Variants in CARD14 observed in about 807,000 individuals in gnomAD.
CARD14 encodes caspase recruitment domain family member 14.
Under a neutral mutation model 111.5 loss-of-function variants are expected in CARD14, and 107 were observed. The ratio of observed to expected loss-of-function variants is 0.96; its 90% CI spans 0.82 to 1.13. The LOEUF is 1.13. CARD14 is among the 50% of genes most tolerant of loss of function. CARD14 has a pLI of 0.00. For missense variants in CARD14, 1,322 were observed against 1,362.3 expected, an observed-to-expected ratio of 0.97 and a Z score of 0.47; for synonymous variants, 617 against 579.6, an observed-to-expected ratio of 1.06 and a Z score of -0.93.
intron 2 of CARD14, 107 bp downstream of exon 2, chr17:80,173,335 C>CAT (rs2039953087): frequency 6.6e-6 from 1 of 152,524 alleles, no homozygotes; most frequent in African/African-American, 2.4e-5. Context: ...CGCGCGCGCG[C>CAT]GCGCGCGGAA....
In CARD14 at chr17:80,202,189, G is replaced by A. The variant is rs904263432; in HGVS notation, c.1988G>A (p.Arg663Lys). The change falls in exon 18 of 24, where the codon AGG becomes AAG. Residue 663 changes from arginine to lysine, a missense_variant. Coordinates refer to ENST00000648509, the MANE Select transcript of CARD14 (RefSeq NM_001366385.1). The part of the protein sequence containing the change: ...SVKVNTDGYK[R>K]LLQDLEAKVA... ...TGTCCCCTTTTATCAGGTTATAAGA[G>A]GCTACTCCAGGACCTGGAGGCCAAA... is the stretch of plus-strand genomic sequence containing the variant. 6.2e-6 allele frequency: 10 copies of A among 1,613,636 alleles called. No individual in the cohort carries two copies. In the South Asian group the frequency reaches 8.8e-5, roughly 14 times the overall value.
intron 6 of CARD14, 29 bp from the exon 7 acceptor site, chr17:80,183,884 C>T: frequency 6.9e-7 from 1 of 1,455,832 alleles, no homozygotes; most frequent in Admixed American, 2.8e-5. Flanking sequence ...CCTACCTGCT[C>T]ACTTGCTCAC....
At chr17:80,187,068 T>C (rs1031016651) in intron 7 of CARD14, among the ~76,000 whole-genome samples, 1 of 152,250 alleles carries the variant, frequency 6.6e-6, no homozygotes, top group Non-Finnish European at 1.5e-5. Flanking sequence ...TCAGAAATCA[T>C]GGGTTCTCAC....
chr17:80,205,076 G>A lies in CARD14; in HGVS notation c.2440G>A (p.Val814Met). ...CFWAESCLTLVPYTLVRPHRP... is the reference protein window; with the variant it reads ...CFWAESCLTLMPYTLVRPHRP... ...CTGGGCCGAGAGCTGCCTCACCCTG[G>A]TGCCCTATACCCTGGTGCGGCCCCA... The change falls in exon 21 of 24, where the codon GTG becomes ATG. Residue 814 changes from valine to methionine, a missense_variant. Val to Met is a conservative substitution (Grantham distance 21). Transcript: ENST00000648509. 1.2e-6 allele frequency: 2 copies of A among 1,611,602 alleles called. No homozygotes were observed. Among genetic ancestry groups the A allele is most frequent in the Non-Finnish European group, 1.7e-6 (2 of 1,178,894 alleles).
Position 80,184,133 on chromosome 17 carries a change from G to A in CARD14, c.570G>A (p.Glu190=), listed in dbSNP as rs955758766. The A allele has an allele frequency of 2.4e-5, 37 of 1,570,240 alleles. No individual in the cohort carries two copies. In the East Asian group the frequency reaches 6.6e-4, roughly 28 times the overall value. Residue 190 remains glutamate (E), a synonymous_variant, in exon 7 of 24, where the codon GAG becomes GAA. Transcript: ENST00000648509. ...MKREVSAHFH[E]VLRLKDEMLS... is the part of the protein sequence containing the mutation. The stretch of plus-strand genomic sequence containing the variant: ...GTGAGGTTAGCGCACACTTCCATGA[G>A]GTGCTGAGGCTGAAGGACGAGATGC...
chr17:80,199,746 G>T (rs1319113704), intron 16 of CARD14, among the ~76,000 whole-genome samples: 2 of 149,650 alleles, frequency 1.3e-5, no homozygotes, highest in African/African-American at 4.9e-5. Context: ...AAAAATAGCT[G>T]GTATCTATAA....
At chr17:80,204,956 C>T in intron 20 of CARD14, 79 bp from the exon 21 acceptor site, 2 of 1,286,792 alleles carry the variant, frequency 1.6e-6, no homozygotes, top group Non-Finnish European at 2.1e-6. Flanking sequence ...GCAAAGCAGA[C>T]CCAGTCCCTC....
chr17:80,182,859 G>A lies in CARD14; in HGVS notation c.349+69G>A. 15 of 1,589,108 alleles carry A rather than the reference G, an allele frequency of 9.4e-6. No homozygotes were observed. Among genetic ancestry groups the A allele is most frequent in the Non-Finnish European group, 1.3e-5 (15 of 1,162,452 alleles). ...CCTCAGGCTCCTGGTAACCCCAGGTGCCCCGCTTACTTGCCGATTTGCCCT... is the reference window on the plus strand; with the variant it reads ...CCTCAGGCTCCTGGTAACCCCAGGTACCCCGCTTACTTGCCGATTTGCCCT... On this transcript the variant is annotated intron_variant, in intron 6 of 23. Transcript: ENST00000648509. This position sits in a 1 kb window ranked among gnomAD's most constrained non-coding sequence, Gnocchi z 4.7.
At chr17:80,199,412 A>G (rs1348341679) in intron 16 of CARD14, among the ~76,000 whole-genome samples, 1 of 151,096 alleles carries the variant, frequency 6.6e-6, no homozygotes, top group East Asian at 1.9e-4. Context: ...AGAATTATTA[A>G]ACTTTAGGAA....
Position 80,208,588 on chromosome 17 carries a change from G to T in CARD14, c.*243G>T, listed in dbSNP as rs1321688691. The T allele has an allele frequency of 2.2e-6, 1 of 448,906 alleles. No individual in the cohort carries two copies. Among genetic ancestry groups the T allele is most frequent in the Non-Finnish European group, 3.9e-6 (1 of 255,098 alleles). The allele number at this position is 448,906 out of a possible 1,614,324, so 27.8% of individuals were successfully genotyped here. ...CCCTTTACCAGGCTTGGCATGGTCTGAACTGGAAACCCTGAGAATGTTTCT... is the reference window on the plus strand; with the variant it reads ...CCCTTTACCAGGCTTGGCATGGTCTTAACTGGAAACCCTGAGAATGTTTCT... On this transcript the variant is annotated 3_prime_UTR_variant, in exon 24 of 24. Transcript: ENST00000648509.
rs776565097 is a variant in CARD14 at position 80,181,491 on chromosome 17, C to A, written c.53C>A (p.Thr18Lys). ...DSALTALDEE[T>K]LWEMMESHRH... is the part of the protein sequence containing the mutation. ...GCACTCACGGCACTGGACGAGGAGA[C>A]ACTGTGGGAGATGATGGAGAGCCAC... is the stretch of plus-strand genomic sequence containing the variant. Residue 18 changes from threonine to lysine, a missense_variant, in exon 5 of 24, where the codon ACA (threonine) becomes AAA (lysine). Transcript: ENST00000648509. The A allele has an allele frequency of 6.3e-7, 1 of 1,589,754 alleles. No homozygotes were observed. Among genetic ancestry groups the A allele is most frequent in the South Asian group, 1.1e-5 (1 of 87,578 alleles).
In CARD14 at chr17:80,198,549, G is replaced by C. The variant is rs761836544; in HGVS notation, c.1809G>C (p.Ala603=). 1.2e-6 allele frequency: 2 copies of C among 1,613,010 alleles called. No individual in the cohort carries two copies. Among genetic ancestry groups the C allele is most frequent in the African/African-American group, 1.3e-5 (1 of 74,930 alleles). ...TCCACCGGGTCACCCCGGGCTCGGC[G>C]GCGGACCAGATGGCCTTGCGCCCGG... ...IFIHRVTPGS[A]ADQMALRPGT... Residue 603 remains alanine (A), a synonymous_variant, in exon 16 of 24, where the codon GCG becomes GCC. Transcript: ENST00000648509. The surrounding 1 kb of genome is among the most constrained non-coding windows in gnomAD (Gnocchi z 7.5).
chr17:80,204,250 G>A lies in CARD14; in HGVS notation c.2307G>A (p.Lys769=), dbSNP rs778848984. 5 of 1,594,928 alleles carry A rather than the reference G, an allele frequency of 3.1e-6. No individual in the cohort carries two copies. The highest frequency in any genetic ancestry group is 3.4e-5 in the Admixed American group (2 of 59,466). Residue 769 remains lysine, a synonymous_variant, in exon 20 of 24, where the codon AAG becomes AAA. Coordinates refer to ENST00000648509, the MANE Select transcript of CARD14 (RefSeq NM_001366385.1). ...TRKPSSGGPQ[K]LVRIVSMDKA... ...AGCCATCTTCTGGGGGACCACAGAA[G>A]CTGGTCCGCATCGTCAGTATGGACA...
chr17:80,201,424 T>C lies in CARD14; in HGVS notation c.1852-320T>C, dbSNP rs188733238. On this transcript the variant is annotated intron_variant, in intron 16 of 23. Coordinates refer to ENST00000648509, the MANE Select transcript of CARD14 (RefSeq NM_001366385.1). This position sits in a 1 kb window ranked among gnomAD's most constrained non-coding sequence, Gnocchi z 5.0. ...CCTCTATCTAGAATGCTCTTGAATG[T>C]TCTAGAACCGAGGTTCTTTCTTTTC... is the stretch of plus-strand genomic sequence containing the variant. The C allele has an allele frequency of 2.3e-5, 8 of 341,868 alleles. No homozygotes were observed. The Admixed American group carries it at 3.7e-4, about 16-fold the overall frequency. The allele number at this position is 341,868 out of a possible 1,614,324, so 21.2% of individuals were successfully genotyped here.
chr17:80,178,020 G>T (rs1248018002), intron 2 of CARD14, among the ~76,000 whole-genome samples: 2 of 152,170 alleles, frequency 1.3e-5, no homozygotes. Context: ...TGACTCGCAA[G>T]CCTCAATCAC....
intron 2 of CARD14, among the ~76,000 whole-genome samples, chr17:80,174,961 T>G (rs535863236): frequency 6.6e-6 from 1 of 152,096 alleles, no homozygotes; most frequent in South Asian, 2.1e-4. Context: ...TTGTCTGCCA[T>G]TTTTCTTTTT....
intron 9 of CARD14, 77 bp from the exon 10 acceptor site, chr17:80,190,697 G>C (rs543448356): frequency 6.4e-7 from 1 of 1,563,112 alleles, no homozygotes; most frequent in African/African-American, 1.4e-5. Flanking sequence ...CTCCACCCCT[G>C]GGTTCCCCGA....
In CARD14 at chr17:80,208,574, G is replaced by A; in HGVS notation, c.*229G>A. The A allele has an allele frequency of 2.1e-6, 1 of 487,660 alleles. No individual in the cohort carries two copies. The highest frequency in any genetic ancestry group is 3.6e-6 in the Non-Finnish European group (1 of 277,212). The allele number at this position is 487,660 out of a possible 1,614,324, so 30.2% of individuals were successfully genotyped here. ...TGGAAACATCTTCACCCTTTACCAGGCTTGGCATGGTCTGAACTGGAAACC... is the reference window on the plus strand; with the variant it reads ...TGGAAACATCTTCACCCTTTACCAGACTTGGCATGGTCTGAACTGGAAACC... On this transcript the variant is annotated 3_prime_UTR_variant, in exon 24 of 24. Coordinates refer to ENST00000648509, the MANE Select transcript of CARD14 (RefSeq NM_001366385.1).
Position 80,198,920 on chromosome 17 carries a change from A to G in CARD14, c.1851+329A>G. ...CACGTGACATAAAATTCACTATTTT[A>G]ACCACTGGGGCATTTCTTTTCTTTC... On this transcript the variant is annotated intron_variant, in intron 16 of 23. Transcript: ENST00000648509. This position sits in a 1 kb window ranked among gnomAD's most constrained non-coding sequence, Gnocchi z 7.5. The G allele has an allele frequency of 8.2e-7, 1 of 1,226,346 alleles. No homozygotes were observed. Among genetic ancestry groups the G allele is most frequent in the Non-Finnish European group, 1.0e-6 (1 of 979,592 alleles). 76.0% of individuals were successfully genotyped at this position (1,226,346 alleles called of 1,614,324 possible). A position where few individuals can be genotyped will look rare whatever the true frequency, so the allele number is the denominator to read the frequency against.
Sources: allele counts gnomAD v4.1 joint callset (sites outside exome capture counted in the v4.1 genomes callset), GRCh38; gene constraint gnomAD v4.1.1; non-coding constraint Gnocchi (gnomAD v3.1); transcripts MANE v1.5; gene names NCBI Gene and HGNC (gene_info 2026-07-23, HGNC 2026-07-21).